UBAC2: variants seen among roughly 807,000 people sequenced by gnomAD.
UBAC2 encodes UBA domain containing 2, also known as ubiquitin-associated domain-containing protein 2.
Under a neutral mutation model 44.0 loss-of-function variants are expected in UBAC2, and 26 were observed. The observed-to-expected ratio is 0.59, with a 90% CI of 0.43 to 0.82. UBAC2 has a LOEUF of 0.82. UBAC2 is among the 40% of genes least tolerant of loss of function. UBAC2 has a pLI of 0.00. For synonymous variants in UBAC2, 155 were observed against 154.3 expected, an observed-to-expected ratio of 1.00 and a Z score of -0.04; for missense variants, 329 against 419.4, an observed-to-expected ratio of 0.78 and a Z score of 1.88.
chr13:99,201,461 T>C (rs1165721580), intron 1 of UBAC2: 2 of 1,614,126 alleles, frequency 1.2e-6, no homozygotes, highest in African/African-American at 2.7e-5. Context: ...AAACACACAC[T>C]GATGAGAGTG....
In UBAC2 at chr13:99,348,536, G is replaced by A. The variant is rs376529283; in HGVS notation, c.807+7971G>A. On this transcript the variant is annotated intron_variant, in intron 7 of 8. Transcript: ENST00000403766. ...AGATTGAGGTTCCTATAAGAAAGAG[G>A]CAATGAAAGACATGGTTGGGAAGAG... Among the ~76,000 whole-genome samples, 209 of 152,326 alleles carry A rather than the reference G, an allele frequency of 1.4e-3. 2 individuals carry two copies. Among genetic ancestry groups the A allele is most frequent in the African/African-American group, 4.9e-3 (204 of 41,578 alleles).
chr13:99,262,457 C>CT (rs1461479363), intron 4 of UBAC2, among the ~76,000 whole-genome samples: 1 of 152,036 alleles, frequency 6.6e-6, no homozygotes, highest in Non-Finnish European at 1.5e-5. Flanking sequence ...AATCCCAGCA[C>CT]TTTGGGAGGC....
intron 4 of UBAC2, among the ~76,000 whole-genome samples, chr13:99,300,251 G>T (rs903820017): frequency 6.6e-6 from 1 of 152,218 alleles, no homozygotes; most frequent in Non-Finnish European, 1.5e-5. Flanking sequence ...ACTGGAGGTG[G>T]CCAAAGAAAG....
At position 99,358,652 on chromosome 13, in the gene UBAC2, A is replaced by T. The variant is rs1047474191; in HGVS notation, c.808-9135A>T. On this transcript the variant is annotated intron_variant, in intron 7 of 8. Coordinates refer to ENST00000403766, the MANE Select transcript of UBAC2 (RefSeq NM_001144072.2). ...AGAGGAGGGGCTTGACGAGATTTGT[A>T]TCTTAGGAACTAACTCTGGAGCCAC... 3.9e-5 allele frequency among the ~76,000 whole-genome samples: 6 copies of T among 152,216 alleles called. No individual in the cohort carries two copies. The South Asian group carries it at 1.0e-3, about 26-fold the overall frequency.
intron 1 of UBAC2, among the ~76,000 whole-genome samples, chr13:99,228,840 C>A (rs1387994691): frequency 6.6e-6 from 1 of 152,198 alleles, no homozygotes; most frequent in African/African-American, 2.4e-5. Context: ...AACCACTTTA[C>A]TAATGGTTCT....
intron 1 of UBAC2, among the ~76,000 whole-genome samples, chr13:99,229,128 C>A (rs1360310384): frequency 6.6e-6 from 1 of 152,168 alleles, no homozygotes; most frequent in Non-Finnish European, 1.5e-5. Context: ...GGCATGTGGC[C>A]TCCCTTCAGG....
At chr13:99,347,631 G>A (rs2045011676) in intron 7 of UBAC2, among the ~76,000 whole-genome samples, 1 of 151,892 alleles carries the variant, frequency 6.6e-6, no homozygotes, top group Admixed American at 6.6e-5. Flanking sequence ...CCACAGCTCT[G>A]ATGAACAGTG....
chr13:99,228,442 C>G (rs2043135902), intron 1 of UBAC2, among the ~76,000 whole-genome samples: 1 of 151,904 alleles, frequency 6.6e-6, no homozygotes, highest in Non-Finnish European at 1.5e-5. Context: ...CTCCCCCGCA[C>G]CCCACCACGC....
At chr13:99,371,990 T>G (rs1014589719) in intron 8 of UBAC2, among the ~76,000 whole-genome samples, 7 of 152,214 alleles carry the variant, frequency 4.6e-5, no homozygotes, top group African/African-American at 1.7e-4. Flanking sequence ...CCACTCCCGT[T>G]TTTTGGTGAG....
chr13:99,213,367 T>G (rs1178777988), intron 1 of UBAC2, among the ~76,000 whole-genome samples: 29 of 152,004 alleles, frequency 1.9e-4, no homozygotes, highest in Admixed American at 1.9e-3. Flanking sequence ...TAACTTTTTT[T>G]TTGTTTTTTT....
At position 99,254,737 on chromosome 13, in the gene UBAC2, T is replaced by C. The variant is rs77539420; in HGVS notation, c.389+10113T>C. Reference sequence around the variant, plus strand: ...CTGAATAATTCACAAAAATGTTTTATATAAGTTTTTAAAATGAAGATAATG... The same window carrying C: ...CTGAATAATTCACAAAAATGTTTTACATAAGTTTTTAAAATGAAGATAATG... On this transcript the variant is annotated intron_variant, in intron 4 of 8. Coordinates refer to ENST00000403766, the MANE Select transcript of UBAC2 (RefSeq NM_001144072.2). 3.6e-3 allele frequency: 2,363 copies of C among 660,162 alleles called. 57 individuals are homozygous for C. In the African/African-American group the frequency reaches 0.04, roughly 11 times the overall value. 40.9% of individuals were successfully genotyped at this position (660,162 alleles called of 1,614,324 possible).
chr13:99,251,707 T>C (rs986867225), intron 4 of UBAC2, among the ~76,000 whole-genome samples: 8 of 152,182 alleles, frequency 5.3e-5, no homozygotes, highest in Non-Finnish European at 8.8e-5. Flanking sequence ...GGAAATAGCA[T>C]GGTCTTTGCC....
intron 4 of UBAC2, among the ~76,000 whole-genome samples, chr13:99,268,393 G>A (rs1424814069): frequency 1.3e-5 from 2 of 152,052 alleles, no homozygotes; most frequent in Non-Finnish European, 2.9e-5. Context: ...CAGGCAGATC[G>A]TTTGAGTCCT....
intron 4 of UBAC2, among the ~76,000 whole-genome samples, chr13:99,265,641 GCGTCT>G (rs1374476757): frequency 6.6e-6 from 1 of 152,150 alleles, no homozygotes; most frequent in African/African-American, 2.4e-5. Flanking sequence ...CCTGGCACGT[GCGTCT>G]TCAAACGTTT....
At chr13:99,373,761 G>A (rs1054098975) in intron 8 of UBAC2, among the ~76,000 whole-genome samples, 1 of 152,152 alleles carries the variant, frequency 6.6e-6, no homozygotes. Flanking sequence ...CTAGAAGCTG[G>A]ACAGAAAGGA....
At chr13:99,223,795 A>AT (rs1035264404) in intron 1 of UBAC2, among the ~76,000 whole-genome samples, 3 of 151,300 alleles carry the variant, frequency 2.0e-5, no homozygotes, top group African/African-American at 7.3e-5. Flanking sequence ...TATTTGGGGG[A>AT]TTTTCCATCT....
intron 1 of UBAC2, among the ~76,000 whole-genome samples, chr13:99,210,622 C>T (rs2042927482): frequency 1.3e-5 from 2 of 152,020 alleles, no homozygotes; most frequent in Admixed American, 1.3e-4. Context: ...GGATTATAGG[C>T]ATGCACCACC....
intron 1 of UBAC2, among the ~76,000 whole-genome samples, chr13:99,223,570 AT>A (rs2043077153): frequency 1.5e-5 from 1 of 65,558 alleles, no homozygotes; most frequent in Non-Finnish European, 2.8e-5. Flanking sequence ...TTTTTTTAAG[AT>A]TGTAACCTAC....
At chr13:99,310,865 G>A (rs878904446) in intron 4 of UBAC2, among the ~76,000 whole-genome samples, 3 of 152,160 alleles carry the variant, frequency 2.0e-5, no homozygotes, top group Admixed American at 2.0e-4. Context: ...GAACTTCTAT[G>A]AATTAAGCGC....
Sources: allele counts gnomAD v4.1 joint callset (sites outside exome capture counted in the v4.1 genomes callset), GRCh38; gene constraint gnomAD v4.1.1; transcripts MANE v1.5; gene names NCBI Gene and HGNC (gene_info 2026-07-23, HGNC 2026-07-21).